NINJ2: variants seen among roughly 807,000 people sequenced by gnomAD.
NINJ2 encodes ninjurin 2.
NINJ2 carries 12 observed loss-of-function variants against 11.7 expected under a neutral mutation model. The observed-to-expected ratio is 1.02, with a 90% CI of 0.66 to 1.66. NINJ2 has a LOEUF of 1.66. NINJ2 is among the 40% of genes most tolerant of loss of function. The pLI, the probability that NINJ2 is intolerant of heterozygous loss-of-function variation, is 0.00. For missense variants in NINJ2, 187 were observed against 181.8 expected (o/e 1.03, Z -0.16); for synonymous variants, 93 against 76.8 (o/e 1.21, Z -1.10).
chr12:602,776 C>G (rs1947888837), intron 1 of NINJ2, among the ~76,000 whole-genome samples: 1 of 152,160 alleles, frequency 6.6e-6, no homozygotes, highest in African/African-American at 2.4e-5. Flanking sequence ...CTATTACCTG[C>G]TTTTTTGAAA....
intron 1 of NINJ2, among the ~76,000 whole-genome samples, chr12:586,974 C>G (rs1378197858): frequency 1.3e-5 from 2 of 152,192 alleles, no homozygotes; most frequent in African/African-American, 4.8e-5. Context: ...GGCCTTTAAC[C>G]CTTAGTGTGA....
At chr12:617,594 T>G (rs978888288) in intron 1 of NINJ2, among the ~76,000 whole-genome samples, 4 of 152,174 alleles carry the variant, frequency 2.6e-5, no homozygotes, top group African/African-American at 7.2e-5. Flanking sequence ...CTGCTGTGCT[T>G]CTTCTCACAG....
At chr12:654,396 G>A (rs371512441) in intron 1 of NINJ2, among the ~76,000 whole-genome samples, 2 of 151,382 alleles carry the variant, frequency 1.3e-5, no homozygotes, top group East Asian at 2.0e-4. Flanking sequence ...TGGCACATGC[G>A]TATAATCCCA....
chr12:637,897 C>T (rs1476021233), intron 1 of NINJ2, among the ~76,000 whole-genome samples: 2 of 152,188 alleles, frequency 1.3e-5, no homozygotes, highest in African/African-American at 2.4e-5. Flanking sequence ...ACTGTTCTCA[C>T]AACCCTGTGA....
At chr12:638,312 G>A (rs1948376708) in intron 1 of NINJ2, among the ~76,000 whole-genome samples, 1 of 152,238 alleles carries the variant, frequency 6.6e-6, no homozygotes, top group African/African-American at 2.4e-5. Flanking sequence ...GGTTCCAGGA[G>A]CCAGGCCCAT....
At position 581,721 on chromosome 12, in the gene NINJ2, G is replaced by A. The variant is rs1947558643; in HGVS notation, c.34-15543C>T. Among the ~76,000 whole-genome samples the A allele has an allele frequency of 6.6e-6, 1 of 152,142 alleles. No homozygotes were observed. Among genetic ancestry groups the A allele is most frequent in the Non-Finnish European group, 1.5e-5 (1 of 68,036 alleles). On this transcript the variant is annotated intron_variant, in intron 1 of 3. Transcript: ENST00000305108. The surrounding 1 kb of genome is among the most constrained non-coding windows in gnomAD (Gnocchi z 4.9). ...TCCCACTGCTGACCATCCAACTCAC[G>A]CAGCTTCGGTGCTTCCCAGCTCACT...
chr12:642,234 G>T (rs919089214), intron 1 of NINJ2, among the ~76,000 whole-genome samples: 1 of 152,154 alleles, frequency 6.6e-6, no homozygotes, highest in Non-Finnish European at 1.5e-5. Context: ...TCGTACAAAG[G>T]GCCCAGAAGT....
chr12:566,199 A>G, intron 1 of NINJ2, 21 bp from the exon 2 acceptor site: 1 of 1,597,444 alleles, frequency 6.3e-7, no homozygotes, highest in Non-Finnish European at 8.6e-7. Context: ...GAAAGCACAG[A>G]CTTACCAAGG....
chr12:575,716 C>A (rs1181122577), intron 1 of NINJ2, among the ~76,000 whole-genome samples: 1 of 152,126 alleles, frequency 6.6e-6, no homozygotes, highest in African/African-American at 2.4e-5. Flanking sequence ...GAATGATGAT[C>A]GCATTGAATT....
rs561587503 is a variant in NINJ2, at chr12:608,016, C to A, written c.34-41838G>T. 2.1e-4 allele frequency among the ~76,000 whole-genome samples: 32 copies of A among 152,250 alleles called. No homozygotes were observed. The South Asian group carries it at 4.2e-3, about 20-fold the overall frequency. The stretch of plus-strand genomic sequence containing the variant: ...AAGCTGGGGCTTAAAAGGAAATGTG[C>A]GCTTGTAGGAGCTGGTGTTCCATCT... On this transcript the variant is annotated intron_variant, in intron 1 of 3. Transcript: ENST00000305108.
chr12:576,834 G>A (rs544470168), intron 1 of NINJ2, among the ~76,000 whole-genome samples: 1 of 152,256 alleles, frequency 6.6e-6, no homozygotes, highest in Non-Finnish European at 1.5e-5. Context: ...CTAAACAAGA[G>A]CACTTTCCCA....
At chr12:565,793 G>A (rs1330246010) in intron 2 of NINJ2, 157 bp downstream of exon 2, 1 of 726,366 alleles carries the variant, frequency 1.4e-6, no homozygotes, top group Non-Finnish European at 2.5e-6. Context: ...GGTGGAAGTT[G>A]GTCTTTGGGC....
chr12:634,591 CCAAACACACA>C (rs1350209072), intron 1 of NINJ2, among the ~76,000 whole-genome samples: 1 of 151,960 alleles, frequency 6.6e-6, no homozygotes, highest in East Asian at 1.9e-4. Flanking sequence ...GCAGTAAAGG[CCAAACACACA>C]CAAAATCAGT....
At chr12:616,338 C>A (rs188962043) in intron 1 of NINJ2, among the ~76,000 whole-genome samples, 5 of 152,270 alleles carry the variant, frequency 3.3e-5, no homozygotes, top group African/African-American at 1.2e-4. Context: ...AGTTACTAAT[C>A]CCACCATGGT....
intron 1 of NINJ2, among the ~76,000 whole-genome samples, chr12:658,326 T>C (rs559192365): frequency 2.9e-4 from 44 of 152,280 alleles, no homozygotes; most frequent in African/African-American, 9.6e-4. Context: ...TACAGAATGA[T>C]ACGTAATGCC....
At chr12:661,214 G>A (rs972201786) in intron 1 of NINJ2, among the ~76,000 whole-genome samples, 2 of 152,108 alleles carry the variant, frequency 1.3e-5, no homozygotes, top group Non-Finnish European at 2.9e-5. Context: ...GAGTAGTGGG[G>A]ACTACAGGTG....
intron 1 of NINJ2, 72 bp downstream of exon 1, chr12:663,256 A>G: frequency 7.2e-7 from 1 of 1,387,878 alleles, no homozygotes; most frequent in Non-Finnish European, 1.0e-6. Context: ...TGACTAAAGT[A>G]TCAATCCTCT....
chr12:599,278 C>T lies in NINJ2; in HGVS notation c.34-33100G>A, dbSNP rs10774356. ...AGGCGCCTGTAATCCCAGCTACTTG[C>T]GGGGCTGAGGCAGGAGAATTTCTTG... On this transcript the variant is annotated intron_variant, in intron 1 of 3. Transcript: ENST00000305108. 2.9e-4 allele frequency among the ~76,000 whole-genome samples: 44 copies of T among 151,610 alleles called. 1 individual carries two copies. The highest frequency in any genetic ancestry group is 5.9e-4 in the Non-Finnish European group (40 of 67,934).
intron 2 of NINJ2, chr12:565,729 G>A (rs556644663): frequency 2.3e-4 from 147 of 637,494 alleles, no homozygotes; most frequent in Middle Eastern, 4.1e-4. Flanking sequence ...AGGTACTGCG[G>A]AGGGTCTGCT....
Sources: allele counts gnomAD v4.1 joint callset (sites outside exome capture counted in the v4.1 genomes callset), GRCh38; gene constraint gnomAD v4.1.1; non-coding constraint Gnocchi (gnomAD v3.1); transcripts MANE v1.5; gene names NCBI Gene and HGNC (gene_info 2026-07-23, HGNC 2026-07-21).